The following NOMO1 variants were observed in gnomAD, a reference collection of about 807,000 sequenced individuals.
NOMO1 encodes the protein nodal modulator 3.
A neutral mutation model predicts 133.8 loss-of-function variants in NOMO1; 40 were observed. The ratio of observed to expected loss-of-function variants is 0.30; its 90% CI spans 0.23 to 0.39. The LOEUF (loss-of-function observed/expected upper bound fraction) is 0.39. Among genes scored for constraint, NOMO1 ranks in the 10% least tolerant of loss-of-function variants. The pLI is 1.00. For missense variants in NOMO1, 462 were observed against 1,419.9 expected (o/e 0.33, Z 10.84); for synonymous variants, 236 against 570.5 (o/e 0.41, Z 8.36).
chr16:14,884,218 T>C (rs1964287440), intron 26 of NOMO1, among the ~76,000 whole-genome samples, 154 bp from the exon 27 acceptor site: 1 of 152,070 alleles, frequency 6.6e-6, no homozygotes, highest in Non-Finnish European at 1.5e-5. Context: ...TGTCAGTTTG[T>C]GACCTTGGAC....
At position 14,845,889 on chromosome 16, in the gene NOMO1, G is replaced by A. The variant is rs1329343944; in HGVS notation, c.403-688G>A. Among the ~76,000 whole-genome samples, 4 of 151,434 alleles carry A rather than the reference G, an allele frequency of 2.6e-5. No homozygotes were observed. In the East Asian group the frequency reaches 7.7e-4, roughly 29 times the overall value. ...GTGGCCTAAGCTGGAGTGCAGTAGC[G>A]CAGTCTCTCTCACCACAACCTCCGC... On this transcript the variant is annotated intron_variant, in intron 4 of 30. Coordinates refer to ENST00000287667, the MANE Select transcript of NOMO1 (RefSeq NM_014287.4).
chr16:14,841,676 TA>T (rs1438924426), intron 3 of NOMO1, among the ~76,000 whole-genome samples: 1 of 150,932 alleles, frequency 6.6e-6, no homozygotes, highest in Non-Finnish European at 1.5e-5. Flanking sequence ...TTTCACTCAT[TA>T]CGTGGCCGTG....
chr16:14,871,580 A>G, intron 16 of NOMO1, 41 bp from the exon 17 acceptor site: 1 of 1,611,138 alleles, frequency 6.2e-7, no homozygotes, highest in South Asian at 1.1e-5. Flanking sequence ...GGTGTAATAG[A>G]TGCCATTCTC....
At chr16:14,843,625 CT>C (rs1174935662) in intron 3 of NOMO1, among the ~76,000 whole-genome samples, 1 of 151,826 alleles carries the variant, frequency 6.6e-6, no homozygotes, top group African/African-American at 2.4e-5. Flanking sequence ...GAAAATTCCA[CT>C]TTTTTGTATG....
chr16:14,884,064 T>C (rs1487739581), intron 26 of NOMO1, among the ~76,000 whole-genome samples: 1 of 149,416 alleles, frequency 6.7e-6, no homozygotes, highest in African/African-American at 2.5e-5. Flanking sequence ...TCCTTCTCCT[T>C]TTTTTTTTAA....
At chr16:14,838,275 G>A (rs904907735) in intron 1 of NOMO1, 132 bp from the exon 2 acceptor site, 6 of 829,098 alleles carry the variant, frequency 7.2e-6, no homozygotes, top group Non-Finnish European at 1.2e-5. Flanking sequence ...CCCCAGTAAT[G>A]CCCCGTGTTA....
intron 16 of NOMO1, among the ~76,000 whole-genome samples, chr16:14,869,870 AG>A (rs1365376651): frequency 7.0e-6 from 1 of 143,462 alleles, no homozygotes; most frequent in East Asian, 2.1e-4. Context: ...GCAATGCACG[AG>A]GGTTCCGGTT....
Position 14,896,130 on chromosome 16 carries a change from A to T in NOMO1, c.*485A>T, listed in dbSNP as rs1457146977. 6.2e-7 allele frequency: 1 copy of T among 1,609,052 alleles called. No individual in the cohort carries two copies. Among genetic ancestry groups the T allele is most frequent in the African/African-American group, 1.3e-5 (1 of 74,726 alleles). Reference sequence around the variant, plus strand: ...CTATTAGGAGGTAAAAATCAATAAAATGGCCCATTCATTTGTGTTGTAGCT... The same window carrying T: ...CTATTAGGAGGTAAAAATCAATAAATTGGCCCATTCATTTGTGTTGTAGCT... On this transcript the variant is annotated 3_prime_UTR_variant, in exon 31 of 31. Coordinates refer to ENST00000287667, the MANE Select transcript of NOMO1 (RefSeq NM_014287.4).
intron 11 of NOMO1, among the ~76,000 whole-genome samples, chr16:14,860,360 T>C (rs1429636954): frequency 6.7e-6 from 1 of 148,416 alleles, no homozygotes; most frequent in Non-Finnish European, 1.5e-5. Flanking sequence ...AGGGTGAGAT[T>C]CCGTCTCAAA....
At chr16:14,850,219 T>TGCCC (rs1167490794) in intron 6 of NOMO1, among the ~76,000 whole-genome samples, 1 of 150,100 alleles carries the variant, frequency 6.7e-6, no homozygotes, top group African/African-American at 2.5e-5. Flanking sequence ...TACAGGTGCC[T>TGCCC]GCCACCATGC....
intron 12 of NOMO1, among the ~76,000 whole-genome samples, chr16:14,864,366 A>G (rs1451091429): frequency 6.6e-6 from 1 of 151,950 alleles, no homozygotes; most frequent in Non-Finnish European, 1.5e-5. Context: ...GTTCATACAC[A>G]TCGGTCTGTT....
chr16:14,850,017 G>T (rs1426639592), intron 6 of NOMO1, among the ~76,000 whole-genome samples: 1 of 150,558 alleles, frequency 6.6e-6, no homozygotes, highest in African/African-American at 2.5e-5. Context: ...CTTCACCTTG[G>T]CTTCCCAAGG....
At chr16:14,892,251 AAAAG>A (rs776721852) in intron 29 of NOMO1, among the ~76,000 whole-genome samples, 47 of 152,082 alleles carry the variant, frequency 3.1e-4, no homozygotes, top group Non-Finnish European at 5.9e-4. Flanking sequence ...TCAAAAAAAA[AAAAG>A]AAAGTGCCAG....
chr16:14,840,220 T>C (rs2151892167), intron 2 of NOMO1, among the ~76,000 whole-genome samples: 1 of 80,488 alleles, frequency 1.2e-5, no homozygotes. Flanking sequence ...AGGACTGATT[T>C]CTAGAGATGG....
intron 1 of NOMO1, among the ~76,000 whole-genome samples, chr16:14,836,798 C>T (rs1215834129): frequency 8.6e-5 from 13 of 150,784 alleles, no homozygotes; most frequent in East Asian, 5.9e-4. Flanking sequence ...CTCCGCTTCC[C>T]GGGTTCACGC....
intron 16 of NOMO1, among the ~76,000 whole-genome samples, chr16:14,869,953 T>A (rs1964058446): frequency 6.6e-6 from 1 of 151,420 alleles, no homozygotes. Flanking sequence ...TGAAGTCGTG[T>A]CTCATGGTGG....
chr16:14,872,059 G>A (rs1964089232), intron 17 of NOMO1, among the ~76,000 whole-genome samples, 175 bp from the exon 18 acceptor site: 2 of 151,962 alleles, frequency 1.3e-5, no homozygotes, highest in South Asian at 4.1e-4. Flanking sequence ...GTTGTGGAGT[G>A]GAGAATTAGT....
At chr16:14,857,725 G>C in intron 11 of NOMO1, 70 bp downstream of exon 11, 1 of 1,604,560 alleles carries the variant, frequency 6.2e-7, no homozygotes, top group African/African-American at 1.3e-5. Flanking sequence ...CGAATGACCT[G>C]TGATCTGTGT....
At chr16:14,860,238 C>T (rs1011198147) in intron 11 of NOMO1, among the ~76,000 whole-genome samples, 5 of 151,614 alleles carry the variant, frequency 3.3e-5, no homozygotes, top group African/African-American at 1.2e-4. Context: ...CATGGTGATG[C>T]GCGCCTATAA....
Sources: allele counts gnomAD v4.1 joint callset (sites outside exome capture counted in the v4.1 genomes callset), GRCh38; gene constraint gnomAD v4.1.1; transcripts MANE v1.5; gene names NCBI Gene and HGNC (gene_info 2026-07-23, HGNC 2026-07-21).